Variants in XPOT observed in about 807,000 individuals in gnomAD.
The protein encoded by XPOT is exportin-T.
XPOT carries 34 observed loss-of-function variants against 128.2 expected under a neutral mutation model. The ratio of observed to expected loss-of-function variants is 0.27; its 90% CI spans 0.20 to 0.35. The LOEUF is 0.35. Among genes scored for constraint, XPOT ranks in the 10% least tolerant of loss-of-function variants. The pLI is 1.00. For synonymous variants in XPOT, 348 were observed against 394.3 expected (o/e 0.88, Z 1.39); for missense variants, 838 against 1,125.3 (o/e 0.74, Z 3.65).
At chr12:64,406,912 A>G (rs868361395) in intron 1 of XPOT, among the ~76,000 whole-genome samples, 4 of 152,180 alleles carry the variant, frequency 2.6e-5, no homozygotes, top group South Asian at 4.2e-4. Context: ...TCCATTCCAC[A>G]TGTTCCTACC....
Position 64,450,008 on chromosome 12 carries a change from G to A in XPOT, c.*1877G>A, listed in dbSNP as rs1290932647. The A allele has an allele frequency of 4.6e-5, 7 of 152,088 alleles. No individual in the cohort carries two copies. The highest frequency in any genetic ancestry group is 8.8e-5 in the Non-Finnish European group (6 of 68,006). The allele number at this position is 152,088 out of a possible 1,614,324, so 9.4% of individuals were successfully genotyped here. On this transcript the variant is annotated 3_prime_UTR_variant, in exon 25 of 25. Transcript: ENST00000332707. ...TCCCTATTTGTAAAATGGAAATAAT[G>A]GTAGCTACCTCAAACCTCATTACGA...
At chr12:64,406,114 C>G (rs1396472636) in intron 1 of XPOT, among the ~76,000 whole-genome samples, 1 of 152,206 alleles carries the variant, frequency 6.6e-6, no homozygotes, top group Admixed American at 6.5e-5. Flanking sequence ...CTCACTCTGT[C>G]GCCCAGGCGG....
chr12:64,411,653 G>T (rs1003787913), intron 2 of XPOT, among the ~76,000 whole-genome samples: 4 of 152,180 alleles, frequency 2.6e-5, no homozygotes, highest in Admixed American at 1.3e-4. Flanking sequence ...GGATGAAAGG[G>T]AAGAAATCTT....
intron 1 of XPOT, among the ~76,000 whole-genome samples, chr12:64,406,602 C>T (rs1210193706): frequency 2.0e-5 from 3 of 151,746 alleles, no homozygotes. Flanking sequence ...CTCCCGACCT[C>T]AGTTGATCTG....
At chr12:64,426,506 T>C (rs1469173165) in intron 15 of XPOT, among the ~76,000 whole-genome samples, 1 of 152,000 alleles carries the variant, frequency 6.6e-6, no homozygotes, top group East Asian at 1.9e-4. Flanking sequence ...CACACAGATA[T>C]GAAGCTGGGA....
chr12:64,412,387 A>G (rs2040046588), intron 2 of XPOT, among the ~76,000 whole-genome samples: 1 of 152,062 alleles, frequency 6.6e-6, no homozygotes, highest in Non-Finnish European at 1.5e-5. Context: ...TTTAAAGAAA[A>G]TGGTATGTCA....
chr12:64,406,325 C>G (rs1169896527), intron 1 of XPOT, among the ~76,000 whole-genome samples: 2 of 151,996 alleles, frequency 1.3e-5, no homozygotes, highest in Non-Finnish European at 2.9e-5. Context: ...CCGCCCACCT[C>G]GGCCTCCCAA....
rs939419537 is a variant in XPOT at position 64,425,987 on chromosome 12, G to A, written c.1667+78G>A. On this transcript the variant is annotated intron_variant, in intron 15 of 24. Coordinates refer to ENST00000332707, the MANE Select transcript of XPOT (RefSeq NM_007235.6). ...AGATGTAAAACAATAGTAAAGACAT[G>A]GAATCAACCTAGGTGCCCATCAGTG... 4 of 1,344,922 alleles carry A rather than the reference G, an allele frequency of 3.0e-6. No individual in the cohort carries two copies. The African/African-American group carries it at 5.8e-5, about 19-fold the overall frequency. 83.3% of individuals were successfully genotyped at this position (1,344,922 alleles called of 1,614,324 possible). A position where few individuals can be genotyped will look rare whatever the true frequency, so the allele number is the denominator to read the frequency against.
chr12:64,424,837 T>C lies in XPOT; in HGVS notation c.1307+114T>C, dbSNP rs550427482. 38 of 1,405,132 alleles carry C rather than the reference T, an allele frequency of 2.7e-5. No homozygotes were observed. The African/African-American group carries it at 3.3e-4, about 12-fold the overall frequency. 87.0% of individuals were successfully genotyped at this position (1,405,132 alleles called of 1,614,324 possible). A position where few individuals can be genotyped will look rare whatever the true frequency, so the allele number is the denominator to read the frequency against. On this transcript the variant is annotated intron_variant, in intron 12 of 24. Coordinates refer to ENST00000332707, the MANE Select transcript of XPOT (RefSeq NM_007235.6). The stretch of plus-strand genomic sequence containing the variant: ...ATCCATGTTACTTATTGAGATCTTA[T>C]GTGTATCTCTGGAAACAATGCACTT...
intron 23 of XPOT, among the ~76,000 whole-genome samples, chr12:64,440,226 A>C (rs918765997): frequency 6.6e-5 from 10 of 152,204 alleles, no homozygotes; most frequent in Non-Finnish European, 1.5e-4. Flanking sequence ...TCATGCAGTT[A>C]TCTCTCTTTT....
chr12:64,420,613 C>A, intron 8 of XPOT, 92 bp downstream of exon 8: 1 of 1,012,912 alleles, frequency 9.9e-7, no homozygotes, highest in Non-Finnish European at 1.4e-6. Flanking sequence ...TTTTTTTCTT[C>A]TAAATGTTAT....
chr12:64,429,331 A>G (rs1215401566), intron 16 of XPOT, among the ~76,000 whole-genome samples: 1 of 152,204 alleles, frequency 6.6e-6, no homozygotes, highest in Non-Finnish European at 1.5e-5. Flanking sequence ...TTCCCCACAT[A>G]GTCTACTTGG....
intron 9 of XPOT, 92 bp downstream of exon 9, chr12:64,421,563 A>C: frequency 6.1e-6 from 5 of 825,112 alleles, no homozygotes; most frequent in Non-Finnish European, 9.8e-6. Flanking sequence ...ATGAGAAAAT[A>C]CCCATAATTC....
At position 64,406,162 on chromosome 12, in the gene XPOT, C is replaced by G. The variant is rs141639983; in HGVS notation, c.-75+1358C>G. Among the ~76,000 whole-genome samples, 816 of 152,034 alleles carry G rather than the reference C, an allele frequency of 5.4e-3. 10 individuals are homozygous for G. Among genetic ancestry groups the G allele is most frequent in the African/African-American group, 0.018 (743 of 41,472 alleles). ...ACGATCTCCGCTCACTGCAACCTCC[C>G]CCTCCCGGGTTCATGCGAGTCTTCT... On this transcript the variant is annotated intron_variant, in intron 1 of 24. Transcript: ENST00000332707.
At chr12:64,414,237 C>G (rs1702303138) in intron 2 of XPOT, among the ~76,000 whole-genome samples, 1 of 152,144 alleles carries the variant, frequency 6.6e-6, no homozygotes, top group Non-Finnish European at 1.5e-5. Flanking sequence ...ACTCTTGCTC[C>G]TTGTTGGCAC....
chr12:64,448,300 A>G lies in XPOT; in HGVS notation c.*169A>G, dbSNP rs1592344658. ...TGGGTGTAATTTTCCTAATACAGGT[A>G]TGTAACAACAAAAGAAGTTGCCTGC... On this transcript the variant is annotated 3_prime_UTR_variant, in exon 25 of 25. Transcript: ENST00000332707. The G allele has an allele frequency of 1.6e-6, 1 of 637,496 alleles. No homozygotes were observed. Among genetic ancestry groups the G allele is most frequent in the South Asian group, 1.9e-5 (1 of 52,726 alleles). The allele number at this position is 637,496 out of a possible 1,614,324, so 39.5% of individuals were successfully genotyped here. A position where few individuals can be genotyped will look rare whatever the true frequency, so the allele number is the denominator to read the frequency against.
chr12:64,442,051 C>T (rs1193308570), intron 23 of XPOT, among the ~76,000 whole-genome samples: 1 of 151,980 alleles, frequency 6.6e-6, no homozygotes, highest in Non-Finnish European at 1.5e-5. Flanking sequence ...TACTCTTTCC[C>T]CTGTGTCATT....
intron 8 of XPOT, 143 bp from the exon 9 acceptor site, chr12:64,421,092 G>A (rs929427109): frequency 1.5e-5 from 11 of 719,950 alleles, no homozygotes; most frequent in African/African-American, 8.8e-5. Context: ...ATAAGCCACC[G>A]TGCCCAGCCT....
intron 16 of XPOT, among the ~76,000 whole-genome samples, chr12:64,428,807 T>C (rs1055764157): frequency 3.9e-5 from 6 of 152,172 alleles, no homozygotes; most frequent in African/African-American, 1.4e-4. Context: ...CTTTACACAA[T>C]AAAATAGGCA....
Sources: allele counts gnomAD v4.1 joint callset (sites outside exome capture counted in the v4.1 genomes callset), GRCh38; gene constraint gnomAD v4.1.1; transcripts MANE v1.5; gene names NCBI Gene and HGNC (gene_info 2026-07-23, HGNC 2026-07-21).